Variants in FOXP1 observed in about 807,000 individuals in gnomAD.
FOXP1 encodes the protein forkhead box protein P1.
A neutral mutation model predicts 98.2 loss-of-function variants in FOXP1; 15 were observed. That is an observed-to-expected ratio of 0.15 (90% CI 0.10 to 0.24). FOXP1 has a LOEUF of 0.24. FOXP1 is among the 10% of genes least tolerant of loss of function. The probability of loss-of-function intolerance (pLI) is 1.00; values close to 1 mark genes in which losing one functional copy is unlikely to be tolerated. For synonymous variants in FOXP1, 371 were observed against 314.5 expected (o/e 1.18, Z -1.90); for missense variants, 633 against 848.5 (o/e 0.75, Z 3.15).
chr3:71,385,544 A>G (rs1313873952), intron 3 of FOXP1, among the ~76,000 whole-genome samples: 1 of 152,158 alleles, frequency 6.6e-6, no homozygotes, highest in African/African-American at 2.4e-5. Flanking sequence ...GAGGTGGGAA[A>G]GGCTCCCAAG....
At chr3:70,996,444 G>C (rs919134830) in intron 13 of FOXP1, among the ~76,000 whole-genome samples, 4 of 152,188 alleles carry the variant, frequency 2.6e-5, no homozygotes, top group African/African-American at 9.7e-5. Flanking sequence ...TTTAATTCAA[G>C]TTTGGTATTG....
chr3:71,127,675 T>C (rs1035519853), intron 6 of FOXP1, among the ~76,000 whole-genome samples: 2 of 152,218 alleles, frequency 1.3e-5, no homozygotes, highest in Non-Finnish European at 2.9e-5. Context: ...AGGTCTAGCC[T>C]GAGCATTAAA....
At chr3:71,105,793 C>A (rs564792079) in intron 7 of FOXP1, among the ~76,000 whole-genome samples, 1 of 152,256 alleles carries the variant, frequency 6.6e-6, no homozygotes, top group South Asian at 2.1e-4. Context: ...CACAGGCACA[C>A]ACACAGACAA....
Position 71,117,881 on chromosome 3 carries a change from T to C in FOXP1, c.181-5244A>G, listed in dbSNP as rs116666624. Among the ~76,000 whole-genome samples, 762 of 152,130 alleles carry C rather than the reference T, an allele frequency of 5.0e-3. 9 individuals are homozygous for C. Among genetic ancestry groups the C allele is most frequent in the African/African-American group, 0.018 (741 of 41,494 alleles). On this transcript the variant is annotated intron_variant, in intron 6 of 20. Transcript: ENST00000649528. Reference sequence around the variant, plus strand: ...GACACAGTTTGAGGATGTCACAGAGTGGAGGTGAATGATAAAACCAGGCAC... The same window carrying C: ...GACACAGTTTGAGGATGTCACAGAGCGGAGGTGAATGATAAAACCAGGCAC...
intron 11 of FOXP1, among the ~76,000 whole-genome samples, chr3:71,028,232 C>T (rs1033421883): frequency 6.6e-6 from 1 of 152,174 alleles, no homozygotes; most frequent in African/African-American, 2.4e-5. Flanking sequence ...AGTCTTGGCT[C>T]TGAAACCTGT....
chr3:71,085,776 C>CTGGAGT (rs2055017648), intron 7 of FOXP1, among the ~76,000 whole-genome samples: 1 of 68,856 alleles, frequency 1.5e-5, no homozygotes, highest in African/African-American at 5.7e-5. Flanking sequence ...TGTTGCCAGA[C>CTGGAGT]TGGAGTGCAG....
At chr3:71,366,328 T>C (rs1316937467) in intron 3 of FOXP1, among the ~76,000 whole-genome samples, 1 of 152,136 alleles carries the variant, frequency 6.6e-6, no homozygotes, top group African/African-American at 2.4e-5. Context: ...CAAAAGCAAG[T>C]AAATGATAAT....
chr3:70,967,771 G>A (rs1335384598), intron 19 of FOXP1, among the ~76,000 whole-genome samples: 1 of 128,978 alleles, frequency 7.8e-6, no homozygotes, highest in Non-Finnish European at 1.6e-5. Flanking sequence ...TTTTATCTGA[G>A]AGAGGTGTGA....
chr3:71,446,819 C>T (rs1211365285), intron 3 of FOXP1, among the ~76,000 whole-genome samples: 1 of 152,238 alleles, frequency 6.6e-6, no homozygotes, highest in African/African-American at 2.4e-5. Context: ...CTGCACATTC[C>T]TCAGCAGGAG....
At chr3:71,023,855 T>C (rs142761360) in intron 11 of FOXP1, among the ~76,000 whole-genome samples, 1 of 152,236 alleles carries the variant, frequency 6.6e-6, no homozygotes, top group South Asian at 2.1e-4. Context: ...GAATGAAATA[T>C]GCTCAGTCAC....
At chr3:71,149,612 GTAT>G (rs1204042081) in intron 6 of FOXP1, among the ~76,000 whole-genome samples, 1 of 152,008 alleles carries the variant, frequency 6.6e-6, no homozygotes, top group African/African-American at 2.4e-5. Context: ...AATAAGCTCA[GTAT>G]TATTTTGTTT....
chr3:71,217,897 G>A (rs981668462), intron 5 of FOXP1, among the ~76,000 whole-genome samples: 4 of 152,056 alleles, frequency 2.6e-5, no homozygotes, highest in Non-Finnish European at 5.9e-5. Context: ...AAGTAGGTTC[G>A]CCAATCATAA....
At chr3:71,352,036 T>C (rs1369225498) in intron 4 of FOXP1, among the ~76,000 whole-genome samples, 1 of 152,160 alleles carries the variant, frequency 6.6e-6, no homozygotes. Context: ...GCAGGGCCTA[T>C]TAGATAGCAT....
At chr3:71,168,918 G>A (rs769179916) in intron 6 of FOXP1, among the ~76,000 whole-genome samples, 29 of 152,160 alleles carry the variant, frequency 1.9e-4, no homozygotes, top group Non-Finnish European at 3.4e-4. Flanking sequence ...GTAACTTTGC[G>A]ATTTAATTAC....
chr3:71,044,799 GA>G (rs1275302664), intron 10 of FOXP1, among the ~76,000 whole-genome samples: 1 of 152,134 alleles, frequency 6.6e-6, no homozygotes, highest in Non-Finnish European at 1.5e-5. Flanking sequence ...ACTGTTCATG[GA>G]ACTCAATTTT....
At chr3:71,135,034 G>A (rs547140339) in intron 6 of FOXP1, among the ~76,000 whole-genome samples, 3 of 152,150 alleles carry the variant, frequency 2.0e-5, no homozygotes, top group South Asian at 2.1e-4. Context: ...CGAGGTGGGC[G>A]GATCACGAGG....
At chr3:71,156,177 C>T (rs959708236) in intron 6 of FOXP1, among the ~76,000 whole-genome samples, 1 of 152,050 alleles carries the variant, frequency 6.6e-6, no homozygotes, top group African/African-American at 2.4e-5. Flanking sequence ...GGAACCAGCT[C>T]CAGGGGGAGG....
chr3:71,233,211 GA>G (rs1455780685), intron 5 of FOXP1, among the ~76,000 whole-genome samples: 3 of 141,558 alleles, frequency 2.1e-5, no homozygotes, highest in African/African-American at 7.8e-5. Flanking sequence ...GAAAGGGAGA[GA>G]AGGGGAGGGA....
chr3:71,168,315 A>G (rs1015261172), intron 6 of FOXP1, among the ~76,000 whole-genome samples: 2 of 152,220 alleles, frequency 1.3e-5, no homozygotes, highest in Non-Finnish European at 1.5e-5. Context: ...AAAAAAACAA[A>G]ACAAAGTCAG....
Sources: allele counts gnomAD v4.1 joint callset (sites outside exome capture counted in the v4.1 genomes callset), GRCh38; gene constraint gnomAD v4.1.1; transcripts MANE v1.5; gene names NCBI Gene and HGNC (gene_info 2026-07-23, HGNC 2026-07-21).